The following LRP1B variants were observed in gnomAD, a reference collection of about 807,000 sequenced individuals.
LRP1B encodes LDL receptor related protein 1B.
LRP1B carries 217 observed loss-of-function variants against 556.6 expected under a neutral mutation model. The ratio of observed to expected loss-of-function variants is 0.39; its 90% CI spans 0.35 to 0.44. LRP1B has a LOEUF of 0.44. LRP1B is among the 20% of genes least tolerant of loss of function. The pLI is 1.00. For missense variants in LRP1B, 5,053 were observed against 5,620.8 expected, an observed-to-expected ratio of 0.90 and a Z score of 3.23; for synonymous variants, 2,047 against 1,865.8, an observed-to-expected ratio of 1.10 and a Z score of -2.50.
chr2:141,280,475 A>G lies in LRP1B; in HGVS notation c.344-25834T>C, dbSNP rs148061267. On this transcript the variant is annotated intron_variant, in intron 3 of 90. Coordinates refer to ENST00000389484, the MANE Select transcript of LRP1B (RefSeq NM_018557.3). ...ACAAGAAACAACATATAAGCTATTA[A>G]GTTGGTGCAAAATAATTGTGGTTTT... Among the ~76,000 whole-genome samples the G allele has an allele frequency of 2.1e-3, 326 of 152,188 alleles. 1 individual carries two copies. Among genetic ancestry groups the G allele is most frequent in the African/African-American group, 7.3e-3 (302 of 41,558 alleles).
chr2:141,282,554 T>C (rs1685550110), intron 3 of LRP1B, among the ~76,000 whole-genome samples: 1 of 150,862 alleles, frequency 6.6e-6, no homozygotes. Context: ...AATATACATA[T>C]ACAGGTATAT....
At chr2:141,232,351 A>G (rs957107193) in intron 5 of LRP1B, among the ~76,000 whole-genome samples, 1 of 152,120 alleles carries the variant, frequency 6.6e-6, no homozygotes, top group Non-Finnish European at 1.5e-5. Context: ...AACTGAAATG[A>G]CCTTTAGTGA....
At chr2:141,095,244 T>A (rs554939336) in intron 7 of LRP1B, among the ~76,000 whole-genome samples, 1 of 150,796 alleles carries the variant, frequency 6.6e-6, no homozygotes, top group South Asian at 2.1e-4. Context: ...CAGCACAAAA[T>A]GCACAGACTC....
chr2:141,937,775 T>C (rs1051656175), intron 1 of LRP1B, among the ~76,000 whole-genome samples: 1 of 152,116 alleles, frequency 6.6e-6, no homozygotes, highest in African/African-American at 2.4e-5. Context: ...AAGGCCAAAG[T>C]CAAGAAGCTT....
intron 61 of LRP1B, 64 bp from the exon 62 acceptor site, chr2:140,456,667 G>T (rs1467426572): frequency 6.9e-7 from 1 of 1,441,464 alleles, no homozygotes. Context: ...TATAACATGG[G>T]ATTAGAGATA....
intron 1 of LRP1B, among the ~76,000 whole-genome samples, chr2:141,853,609 G>T (rs1350745032): frequency 6.6e-6 from 1 of 151,610 alleles, no homozygotes; most frequent in Non-Finnish European, 1.5e-5. Flanking sequence ...TCATAATTAA[G>T]GGTGCCAATG....
At chr2:141,723,918 C>A (rs1692934593) in intron 2 of LRP1B, among the ~76,000 whole-genome samples, 1 of 151,770 alleles carries the variant, frequency 6.6e-6, no homozygotes, top group Non-Finnish European at 1.5e-5. Context: ...AATGTCAACA[C>A]TAATCAGGCC....
chr2:141,860,087 C>G (rs1698189857), intron 1 of LRP1B, among the ~76,000 whole-genome samples: 1 of 152,086 alleles, frequency 6.6e-6, no homozygotes, highest in African/African-American at 2.4e-5. Context: ...TGCTGTATTC[C>G]CATCTTTTGG....
In LRP1B at chr2:140,813,826, C is replaced by T. The variant is rs755034045; in HGVS notation, c.5210-20G>A. On this transcript the variant is annotated intron_variant, in intron 31 of 90. Transcript: ENST00000389484. ...ATAGACCTGTAATTAAATTTTACAACTTAAACATAATGATAGCCACTTAAA... is the reference window on the plus strand; with the variant it reads ...ATAGACCTGTAATTAAATTTTACAATTTAAACATAATGATAGCCACTTAAA... 6.4e-7 allele frequency: 1 copy of T among 1,566,136 alleles called. No individual in the cohort carries two copies. Among genetic ancestry groups the T allele is most frequent in the Non-Finnish European group, 8.7e-7 (1 of 1,144,250 alleles).
intron 1 of LRP1B, among the ~76,000 whole-genome samples, chr2:141,826,640 A>G (rs932794119): frequency 1.3e-5 from 2 of 152,056 alleles, no homozygotes; most frequent in Non-Finnish European, 2.9e-5. Flanking sequence ...ATTACAGGCA[A>G]GAGCCACCAC....
chr2:141,682,394 A>G (rs1691137256), intron 2 of LRP1B, among the ~76,000 whole-genome samples: 1 of 152,078 alleles, frequency 6.6e-6, no homozygotes, highest in Non-Finnish European at 1.5e-5. Flanking sequence ...TGGTTTTATA[A>G]TTACCCCATT....
intron 1 of LRP1B, among the ~76,000 whole-genome samples, chr2:141,947,704 GA>G (rs1390972758): frequency 6.6e-6 from 1 of 151,618 alleles, no homozygotes; most frequent in Non-Finnish European, 1.5e-5. Flanking sequence ...AGTGAAAATA[GA>G]GCAACATGTA....
chr2:140,759,130 C>A (rs1385543383), intron 35 of LRP1B, among the ~76,000 whole-genome samples: 2 of 151,994 alleles, frequency 1.3e-5, no homozygotes, highest in Non-Finnish European at 2.9e-5. Flanking sequence ...AATTCTGATT[C>A]TTTTCACATA....
chr2:141,722,652 C>T (rs1317048655), intron 2 of LRP1B, among the ~76,000 whole-genome samples: 2 of 151,972 alleles, frequency 1.3e-5, no homozygotes, highest in Admixed American at 6.6e-5. Flanking sequence ...TGTCACATGG[C>T]GTCTCTCAAG....
At chr2:141,142,389 A>T (rs1701674484) in intron 7 of LRP1B, among the ~76,000 whole-genome samples, 1 of 152,184 alleles carries the variant, frequency 6.6e-6, no homozygotes, top group Non-Finnish European at 1.5e-5. Context: ...AAAACTTCCT[A>T]GTTGCTACCA....
chr2:141,765,165 T>A (rs779055509), intron 2 of LRP1B, among the ~76,000 whole-genome samples: 1 of 152,124 alleles, frequency 6.6e-6, no homozygotes, highest in Non-Finnish European at 1.5e-5. Flanking sequence ...AAAAATAATT[T>A]AGTATAACCT....
chr2:141,163,141 T>C (rs1680108425), intron 7 of LRP1B, among the ~76,000 whole-genome samples: 1 of 152,080 alleles, frequency 6.6e-6, no homozygotes, highest in Non-Finnish European at 1.5e-5. Context: ...CTCCTCTTCA[T>C]CCCTCATTCC....
At chr2:140,651,111 T>A (rs1472284859) in intron 41 of LRP1B, among the ~76,000 whole-genome samples, 3 of 152,058 alleles carry the variant, frequency 2.0e-5, no homozygotes, top group Non-Finnish European at 2.9e-5. Context: ...CTTTAACAGT[T>A]CTTTTTCTTC....
At chr2:141,206,119 G>C (rs1253463274) in intron 6 of LRP1B, among the ~76,000 whole-genome samples, 1 of 133,508 alleles carries the variant, frequency 7.5e-6, no homozygotes, top group Non-Finnish European at 1.6e-5. Context: ...ATAATGTGAG[G>C]AAGTGTACTA....
Sources: allele counts gnomAD v4.1 joint callset (sites outside exome capture counted in the v4.1 genomes callset), GRCh38; gene constraint gnomAD v4.1.1; transcripts MANE v1.5; gene names NCBI Gene and HGNC (gene_info 2026-07-23, HGNC 2026-07-21).